Variants in FAM117B observed in about 807,000 individuals in gnomAD.
FAM117B encodes family with sequence similarity 117 member B.
FAM117B carries 22 observed loss-of-function variants against 52.8 expected under a neutral mutation model. The ratio of observed to expected loss-of-function variants is 0.42; its 90% CI spans 0.30 to 0.59. The LOEUF is 0.59. Among genes scored for constraint, FAM117B ranks in the 20% least tolerant of loss-of-function variants. The pLI, the probability that FAM117B is intolerant of heterozygous loss-of-function variation, is 0.22. For missense variants in FAM117B, 678 were observed against 802.6 expected, an observed-to-expected ratio of 0.84 and a Z score of 1.88; for synonymous variants, 309 against 324.1, an observed-to-expected ratio of 0.95 and a Z score of 0.50.
At chr2:202,677,822 T>G (rs1409791736) in intron 1 of FAM117B, among the ~76,000 whole-genome samples, 1 of 152,182 alleles carries the variant, frequency 6.6e-6, no homozygotes, top group Non-Finnish European at 1.5e-5. Context: ...ACGAATTGAG[T>G]AATTTCTGCC....
intron 1 of FAM117B, among the ~76,000 whole-genome samples, chr2:202,666,651 C>T (rs996271055): frequency 1.3e-5 from 2 of 149,490 alleles, no homozygotes; most frequent in South Asian, 2.1e-4. Flanking sequence ...TTTGAAATAA[C>T]ATGTTTCGTT....
chr2:202,722,257 G>A (rs1359897206), intron 2 of FAM117B, among the ~76,000 whole-genome samples: 3 of 151,872 alleles, frequency 2.0e-5, no homozygotes, highest in African/African-American at 7.3e-5. Context: ...TGATCCACCC[G>A]CCTCGGCCTC....
chr2:202,767,817 C>T lies in FAM117B; in HGVS notation c.*2053C>T, dbSNP rs991400209. On this transcript the variant is annotated 3_prime_UTR_variant, in exon 8 of 8. Transcript: ENST00000392238. ...AAATTCAACATTTGAATAAATCCGT[C>T]AGGTTTTAGATGGTGGGATTGATGA... 1 of 152,184 alleles carries T rather than the reference C, an allele frequency of 6.6e-6. No homozygotes were observed. Among genetic ancestry groups the T allele is most frequent in the Non-Finnish European group, 1.5e-5 (1 of 68,038 alleles). 9.4% of individuals were successfully genotyped at this position (152,184 alleles called of 1,614,324 possible). A position where few individuals can be genotyped will look rare whatever the true frequency, so the allele number is the denominator to read the frequency against.
At chr2:202,720,665 C>T (rs1209415449) in intron 2 of FAM117B, among the ~76,000 whole-genome samples, 1 of 151,824 alleles carries the variant, frequency 6.6e-6, no homozygotes, top group Non-Finnish European at 1.5e-5. Context: ...CAAAAGGACC[C>T]AGTTCCACAT....
intron 4 of FAM117B, among the ~76,000 whole-genome samples, chr2:202,737,607 C>A (rs895621074): frequency 6.8e-6 from 1 of 146,936 alleles, no homozygotes; most frequent in Non-Finnish European, 1.5e-5. Context: ...AATAGTTTAA[C>A]TTTTTTTTTT....
At position 202,635,638 on chromosome 2, in the gene FAM117B, T is replaced by A; in HGVS notation, c.451T>A (p.Ser151Thr). Residue 151 changes from serine to threonine, a missense_variant, in exon 1 of 8, where the codon TCG (serine) becomes ACG (threonine). Physicochemically the swap from Ser to Thr is moderately conservative, Grantham distance 58. Around this residue, in one of 3 missense-constraint regions of FAM117B, gnomAD observed 583 missense variants for 644.8 expected, o/e 0.90. Coordinates refer to ENST00000392238, the MANE Select transcript of FAM117B (RefSeq NM_173511.4). ...GCCGCCGCCGCTGCTGGGCACCGTG[T>A]CGTCGCCCAGCTCGTCGCCCACCCA... ...PPPPPLLGTV[S>T]SPSSSPTHLW... 2 of 1,330,910 alleles carry A rather than the reference T, an allele frequency of 1.5e-6. No individual in the cohort carries two copies. Among genetic ancestry groups the A allele is most frequent in the Non-Finnish European group, 1.9e-6 (2 of 1,043,700 alleles). 82.4% of individuals were successfully genotyped at this position (1,330,910 alleles called of 1,614,324 possible).
At chr2:202,647,331 T>C (rs1689887537) in intron 1 of FAM117B, among the ~76,000 whole-genome samples, 2 of 152,334 alleles carry the variant, frequency 1.3e-5, no homozygotes, top group East Asian at 3.8e-4. Context: ...GAATTATTAA[T>C]GTGTGGCGAT....
intron 1 of FAM117B, among the ~76,000 whole-genome samples, chr2:202,681,355 A>T (rs1358366222): frequency 6.6e-6 from 1 of 152,186 alleles, no homozygotes; most frequent in Admixed American, 6.5e-5. Flanking sequence ...AAATACAGAG[A>T]TTATCAGACT....
At chr2:202,648,502 G>A (rs1304092150) in intron 1 of FAM117B, among the ~76,000 whole-genome samples, 5 of 133,900 alleles carry the variant, frequency 3.7e-5, no homozygotes, top group African/African-American at 1.4e-4. Context: ...GGGTGACAGA[G>A]CGAGACTCTG....
chr2:202,684,353 A>G (rs1385763837), intron 1 of FAM117B, among the ~76,000 whole-genome samples: 3 of 152,174 alleles, frequency 2.0e-5, no homozygotes, highest in African/African-American at 7.2e-5. Context: ...GCTAAAAGTT[A>G]TTTGTAACTC....
intron 4 of FAM117B, among the ~76,000 whole-genome samples, chr2:202,732,854 A>C (rs1331066843): frequency 3.4e-5 from 5 of 146,882 alleles, no homozygotes; most frequent in African/African-American, 1.3e-4. Flanking sequence ...AAATAAATAA[A>C]TAAAAGAAAA....
Position 202,668,541 on chromosome 2 carries a change from A to AG in FAM117B, c.602-27340_602-27339insG, listed in dbSNP as rs1553519302. Among the ~76,000 whole-genome samples the AG allele has an allele frequency of 4.2e-3, 617 of 148,602 alleles. 2 individuals are homozygous for AG. Among genetic ancestry groups the AG allele is most frequent in the Non-Finnish European group, 7.3e-3 (490 of 67,232 alleles). On this transcript the variant is annotated intron_variant, in intron 1 of 7. Transcript: ENST00000392238. ...AGACTCTCTCTCAAAAAAAAAAAAA[A>AG]AAAAAGAAAAAGAAGGTATAGTGAA... is the stretch of plus-strand genomic sequence containing the variant.
intron 1 of FAM117B, among the ~76,000 whole-genome samples, chr2:202,674,224 T>A (rs755724822): frequency 2.6e-5 from 4 of 152,230 alleles, no homozygotes; most frequent in Non-Finnish European, 5.9e-5. Context: ...CAATTTGATA[T>A]CATATAGCTA....
At chr2:202,731,218 T>C (rs1353563468) in intron 4 of FAM117B, among the ~76,000 whole-genome samples, 3 of 151,068 alleles carry the variant, frequency 2.0e-5, no homozygotes, top group Non-Finnish European at 4.4e-5. Context: ...CAATATAATT[T>C]GTCAATGGGG....
chr2:202,661,426 A>G (rs2105761328), intron 1 of FAM117B, among the ~76,000 whole-genome samples: 1 of 152,308 alleles, frequency 6.6e-6, no homozygotes, highest in Middle Eastern at 3.4e-3. Context: ...CTATATTCCA[A>G]CTATAATGCT....
chr2:202,675,469 G>C (rs1231669993), intron 1 of FAM117B, among the ~76,000 whole-genome samples: 5 of 59,546 alleles, frequency 8.4e-5, no homozygotes, highest in Non-Finnish European at 1.9e-4. Context: ...AAAAAAAAAA[G>C]GCCAAGTGCT....
intron 4 of FAM117B, among the ~76,000 whole-genome samples, chr2:202,738,090 T>A (rs1691469795): frequency 6.6e-6 from 1 of 152,212 alleles, no homozygotes. Context: ...TTCAAATCAT[T>A]TGCCTATTTT....
chr2:202,711,064 G>A (rs1195325180), intron 2 of FAM117B, among the ~76,000 whole-genome samples: 2 of 152,014 alleles, frequency 1.3e-5, no homozygotes, highest in Non-Finnish European at 2.9e-5. Flanking sequence ...TTTCTTTCAG[G>A]TATATGCCTA....
At position 202,757,089 on chromosome 2, in the gene FAM117B, T is replaced by C; in HGVS notation, c.1105-124T>C. ...ACTAACGTGCAACATGAAATCCTAA[T>C]AAGTAGGAAGGGATTTCTGATTTGT... is the stretch of plus-strand genomic sequence containing the variant. On this transcript the variant is annotated intron_variant, in intron 5 of 7. Coordinates refer to ENST00000392238, the MANE Select transcript of FAM117B (RefSeq NM_173511.4). 4.1e-6 allele frequency: 4 copies of C among 971,720 alleles called. No individual in the cohort carries two copies. In the East Asian group the frequency reaches 7.9e-5, roughly 19 times the overall value. 60.2% of individuals were successfully genotyped at this position (971,720 alleles called of 1,614,324 possible). A position where few individuals can be genotyped will look rare whatever the true frequency, so the allele number is the denominator to read the frequency against.
Sources: gnomAD v4.1 joint callset for allele counts (sites outside exome capture counted in the v4.1 genomes callset) on GRCh38, gnomAD v4.1.1 for gene constraint, gnomAD v4.1.1 regional missense constraint, MANE v1.5 for transcripts, NCBI Gene and HGNC (gene_info 2026-07-23, HGNC 2026-07-21) for gene names.